FBXW8: variants seen among roughly 807,000 people sequenced by gnomAD.
FBXW8 encodes F-box and WD repeat domain containing 8, also known as F-box/WD repeat-containing protein 8.
In FBXW8, 57 loss-of-function variants were observed where a neutral mutation model predicts 65.3. The observed-to-expected ratio is 0.87, with a 90% confidence interval of 0.71 to 1.09. FBXW8 has a LOEUF of 1.09. FBXW8 is among the 50% of genes least tolerant of loss of function. The probability of loss-of-function intolerance (pLI) is 0.00; values close to 1 mark genes in which losing one functional copy is unlikely to be tolerated. For synonymous variants in FBXW8, 308 were observed against 330.2 expected (o/e 0.93, Z 0.73); for missense variants, 777 against 814.8 (o/e 0.95, Z 0.57).
intron 5 of FBXW8, among the ~76,000 whole-genome samples, chr12:116,984,791 A>C (rs1014016618): frequency 6.6e-6 from 1 of 152,148 alleles, no homozygotes; most frequent in Non-Finnish European, 1.5e-5. Flanking sequence ...AGTAGTTCAA[A>C]AAAGCAGCCT....
chr12:117,030,334 A>G lies in FBXW8; in HGVS notation c.*2162A>G, dbSNP rs1954330078. The G allele has an allele frequency of 6.6e-6, 1 of 152,166 alleles. No individual in the cohort carries two copies. The highest frequency in any genetic ancestry group is 2.4e-5 in the African/African-American group (1 of 41,434). 9.4% of individuals were successfully genotyped at this position (152,166 alleles called of 1,614,324 possible). On this transcript the variant is annotated 3_prime_UTR_variant, in exon 11 of 11. Coordinates refer to ENST00000652555, the MANE Select transcript of FBXW8 (RefSeq NM_153348.3). ...GGGTTTTCTGCTTCCTTTCAACCAG[A>G]TAACTTCCTAAGTGGAGATGGCCTG...
chr12:116,979,269 TCTGG>T (rs1885145435), intron 5 of FBXW8: 1 of 152,242 alleles, frequency 6.6e-6, no homozygotes, highest in Non-Finnish European at 1.5e-5. Context: ...ATTACCACAC[TCTGG>T]CTGGCCTCCT....
intron 5 of FBXW8, among the ~76,000 whole-genome samples, chr12:116,970,145 T>C (rs567973359): frequency 6.6e-6 from 1 of 152,344 alleles, no homozygotes; most frequent in East Asian, 1.9e-4. Flanking sequence ...CATTAGGGAA[T>C]GGCAGTGTGC....
At chr12:116,945,226 C>G in intron 2 of FBXW8, 138 bp from the exon 3 acceptor site, 1 of 716,492 alleles carries the variant, frequency 1.4e-6, no homozygotes, top group Non-Finnish European at 2.2e-6. Context: ...TTTTTTTCCA[C>G]CTCATAGTGT....
chr12:117,010,289 A>G (rs757453330), intron 7 of FBXW8, 34 bp from the exon 8 acceptor site: 1 of 1,613,464 alleles, frequency 6.2e-7, no homozygotes, highest in Non-Finnish European at 8.5e-7. Flanking sequence ...GGTGTGTGGA[A>G]TTGTGGGCCC....
At chr12:116,911,919 A>G (rs546832227) in intron 1 of FBXW8, among the ~76,000 whole-genome samples, 1 of 152,300 alleles carries the variant, frequency 6.6e-6, no homozygotes, top group African/African-American at 2.4e-5. Context: ...TCTCCTGGGC[A>G]CTTTCATTAG....
chr12:116,984,037 A>G (rs1450505560), intron 5 of FBXW8, among the ~76,000 whole-genome samples: 1 of 152,242 alleles, frequency 6.6e-6, no homozygotes, highest in Non-Finnish European at 1.5e-5. Context: ...GTGAATTTTG[A>G]AAAATTGAAT....
intron 4 of FBXW8, among the ~76,000 whole-genome samples, chr12:116,955,392 A>C (rs1224049288): frequency 2.6e-5 from 4 of 152,144 alleles, no homozygotes; most frequent in Non-Finnish European, 4.4e-5. Context: ...ACTTGAGAAA[A>C]ATTTATGTTC....
chr12:116,982,622 GA>G (rs1555222554), intron 5 of FBXW8, among the ~76,000 whole-genome samples: 1 of 60,728 alleles, frequency 1.6e-5, no homozygotes, highest in Non-Finnish European at 3.3e-5. Flanking sequence ...TGGAGCCCTG[GA>G]TTTTTTTTTT....
intron 7 of FBXW8, among the ~76,000 whole-genome samples, chr12:116,989,993 C>T (rs1293712984): frequency 6.6e-6 from 1 of 152,234 alleles, no homozygotes; most frequent in Non-Finnish European, 1.5e-5. Flanking sequence ...GTTATTCCTC[C>T]CACCCATAGT....
chr12:117,010,546 C>T (rs1953782084), intron 8 of FBXW8, 96 bp downstream of exon 8: 10 of 1,536,774 alleles, frequency 6.5e-6, no homozygotes, highest in Non-Finnish European at 8.9e-6. Context: ...TCTCACTCAA[C>T]AGCTCTGCCC....
chr12:116,941,661 A>G (rs918572456), intron 2 of FBXW8, among the ~76,000 whole-genome samples: 2 of 152,232 alleles, frequency 1.3e-5, no homozygotes, highest in African/African-American at 4.8e-5. Context: ...ACACCAAGAT[A>G]AACTGAGTTC....
At chr12:116,953,503 G>A (rs965107627) in intron 4 of FBXW8, among the ~76,000 whole-genome samples, 1 of 152,204 alleles carries the variant, frequency 6.6e-6, no homozygotes, top group Non-Finnish European at 1.5e-5. Context: ...TGGGCGCGGT[G>A]GCTCACGCCT....
intron 8 of FBXW8, among the ~76,000 whole-genome samples, chr12:117,013,765 TATC>T (rs1363961107): frequency 2.0e-5 from 3 of 152,112 alleles, no homozygotes; most frequent in East Asian, 1.9e-4. Context: ...TATTTTTTAT[TATC>T]ATCAGTGGTG....
At position 117,010,401 on chromosome 12, in the gene FBXW8, C is replaced by A. The variant is rs1330891782; in HGVS notation, c.1318C>A (p.Leu440Ile). The change falls in exon 8 of 11, where the codon CTC becomes ATC. Residue 440 changes from leucine (L) to isoleucine (I), a missense_variant. By Grantham distance (5) the Leu-to-Ile change is conservative (BLOSUM62 2). Transcript: ENST00000652555. ...NVLRDFTCVN[L>I]SDSPPNLMVS... Reference sequence around the variant, plus strand: ...TCTCCGTGACTTCACGTGTGTCAACCTCAGCGACAGCCCTCCCAACCTCAT... The same window carrying A: ...TCTCCGTGACTTCACGTGTGTCAACATCAGCGACAGCCCTCCCAACCTCAT... The A allele has an allele frequency of 1.5e-5, 25 of 1,614,110 alleles. No individual in the cohort carries two copies. The highest frequency in any genetic ancestry group is 2.1e-5 in the Non-Finnish European group (25 of 1,180,050).
chr12:117,023,566 TAATTATTTC>T (rs756441451), intron 8 of FBXW8, among the ~76,000 whole-genome samples: 12 of 152,164 alleles, frequency 7.9e-5, no homozygotes, highest in South Asian at 2.1e-4. Flanking sequence ...ATAAGGCAAG[TAATTATTTC>T]AATAAGTGAC....
rs772984121 is a variant in FBXW8, at chr12:117,030,925, TTC to T, written c.*2755_*2756del. 1.6e-4 allele frequency: 24 copies of T among 152,146 alleles called. No individual in the cohort carries two copies. Among genetic ancestry groups the T allele is most frequent in the Non-Finnish European group, 3.4e-4 (23 of 68,016 alleles). 9.4% of individuals were successfully genotyped at this position (152,146 alleles called of 1,614,324 possible). Reference sequence around the variant, plus strand: ...TTATCCAGACCCTTTCACAAACAAGTTCTGAGTTTTTAGCCAATTGATCCTCT... The same window carrying T: ...TTATCCAGACCCTTTCACAAACAAGTTGAGTTTTTAGCCAATTGATCCTCT... On this transcript the variant is annotated 3_prime_UTR_variant, in exon 11 of 11. Transcript: ENST00000652555.
Position 116,911,372 on chromosome 12 carries a change from TC to T in FBXW8, c.318+24del, listed in dbSNP as rs948605230. ...CGCGACCTGGTGAGTGGCCGTCGCC[TC>T]CCCCCCGCCCATGCCTGCGCCGGCC... On this transcript the variant is annotated intron_variant, in intron 1 of 10. Transcript: ENST00000652555. The T allele has an allele frequency of 2.3e-5, 29 of 1,237,044 alleles. No individual in the cohort carries two copies. Among genetic ancestry groups the T allele is most frequent in the Middle Eastern group, 3.1e-4 (1 of 3,228 alleles). The allele number at this position is 1,237,044 out of a possible 1,614,324, so 76.6% of individuals were successfully genotyped here. A position where few individuals can be genotyped will look rare whatever the true frequency, so the allele number is the denominator to read the frequency against.
chr12:116,911,194 C>A lies in FBXW8; in HGVS notation c.157C>A (p.Pro53Thr). 2.3e-6 allele frequency: 3 copies of A among 1,284,592 alleles called. No homozygotes were observed. The highest frequency in any genetic ancestry group is 6.3e-5 in the East Asian group (2 of 31,870). 79.6% of individuals were successfully genotyped at this position (1,284,592 alleles called of 1,614,324 possible). ...GCGCGGCGAACAGGCCTCGGGGGACCCGGCGCTGGCCCAGCGTCTCCTGGA... is the reference window on the plus strand; with the variant it reads ...GCGCGGCGAACAGGCCTCGGGGGACACGGCGCTGGCCCAGCGTCTCCTGGA... The part of the protein sequence containing the change: ...SGRGEQASGD[P>T]ALAQRLLEGA... Residue 53 changes from proline (P) to threonine (T), a missense_variant, in exon 1 of 11, where the codon CCG becomes ACG. Transcript: ENST00000652555.
Sources: gnomAD v4.1 joint callset for allele counts (sites outside exome capture counted in the v4.1 genomes callset) on GRCh38, gnomAD v4.1.1 for gene constraint, MANE v1.5 for transcripts, NCBI Gene and HGNC (gene_info 2026-07-23, HGNC 2026-07-21) for gene names.